Variants in CUX2 observed in about 807,000 individuals in gnomAD.
CUX2 encodes the protein cut like homeobox 2.
A neutral mutation model predicts 144.8 loss-of-function variants in CUX2; 40 were observed. The observed-to-expected ratio is 0.28, with a 90% CI of 0.21 to 0.36. CUX2 has a LOEUF of 0.36. Ranked by LOEUF, CUX2 falls within the 10% of genes least tolerant of loss-of-function variation. The probability of loss-of-function intolerance (pLI) is 1.00; values close to 1 mark genes in which losing one functional copy is unlikely to be tolerated. For synonymous variants in CUX2, 827 were observed against 875.6 expected (o/e 0.94, Z 0.98); for missense variants, 1,615 against 1,994.0 (o/e 0.81, Z 3.62).
At chr12:111,308,396 G>C (rs763967205) in intron 13 of CUX2, 31 bp from the exon 14 acceptor site, 2 of 1,613,864 alleles carry the variant, frequency 1.2e-6, no homozygotes, top group South Asian at 1.1e-5. Context: ...CGCCCACCAG[G>C]TGCCCTCTCA....
intron 1 of CUX2, chr12:111,100,203 A>ATGTG: frequency 6.9e-6 from 2 of 288,536 alleles, no homozygotes; most frequent in South Asian, 5.7e-5. Flanking sequence ...GTGTGTGTGT[A>ATGTG]TGTGTGTGTG....
At chr12:111,154,037 C>G (rs1877226709) in intron 1 of CUX2, among the ~76,000 whole-genome samples, 1 of 152,112 alleles carries the variant, frequency 6.6e-6, no homozygotes, top group East Asian at 1.9e-4. Context: ...CACTAATGAG[C>G]TCATCTTAGC....
At chr12:111,182,163 A>G (rs1157679294) in intron 1 of CUX2, among the ~76,000 whole-genome samples, 1 of 152,204 alleles carries the variant, frequency 6.6e-6, no homozygotes, top group African/African-American at 2.4e-5. Context: ...GATGGGTTTA[A>G]TCTGTGTTCC....
At chr12:111,076,699 G>A (rs952969513) in intron 1 of CUX2, among the ~76,000 whole-genome samples, 30 of 152,320 alleles carry the variant, frequency 2.0e-4, no homozygotes, top group African/African-American at 6.7e-4. Flanking sequence ...CCCTGCTCGA[G>A]AGTCTTATAT....
rs200561197 is a variant in CUX2, at chr12:111,320,047, G to T, written c.2038G>T (p.Ala680Ser). ...PKTSVAPLSI[A>S]NGTTPASTSE... is the part of the protein sequence containing the mutation. ...GACCTCGGTGGCCCCGCTGAGCATC[G>T]CCAACGGCACGACCCCCGCCAGCAC... Residue 680 changes from alanine (A) to serine (S), a missense_variant, in exon 17 of 22, where the codon GCC (alanine) becomes TCC (serine). By Grantham distance (99) the Ala-to-Ser change is moderately conservative. Coordinates refer to ENST00000261726, the MANE Select transcript of CUX2 (RefSeq NM_015267.4). The surrounding 1 kb of genome is among the most constrained non-coding windows in gnomAD (Gnocchi z 8.1). 6.5e-6 allele frequency: 10 copies of T among 1,541,288 alleles called. No individual in the cohort carries two copies. The highest frequency in any genetic ancestry group is 8.7e-6 in the Non-Finnish European group (10 of 1,148,430).
chr12:111,172,065 G>A (rs1241199212), intron 1 of CUX2, among the ~76,000 whole-genome samples: 2 of 151,906 alleles, frequency 1.3e-5, no homozygotes, highest in African/African-American at 2.4e-5. Context: ...ATGTGCACAC[G>A]TGTGTGCATG....
At chr12:111,122,175 T>A (rs1289893969) in intron 1 of CUX2, among the ~76,000 whole-genome samples, 1 of 152,146 alleles carries the variant, frequency 6.6e-6, no homozygotes, top group African/African-American at 2.4e-5. Flanking sequence ...TCAACTTTAA[T>A]TTAAAGAAAT....
intron 1 of CUX2, among the ~76,000 whole-genome samples, chr12:111,085,224 C>T (rs1157399960): frequency 1.3e-5 from 2 of 152,210 alleles, no homozygotes; most frequent in Non-Finnish European, 2.9e-5. Context: ...CTGTGTGTGT[C>T]TCTTCCCAGC....
rs1394836605 is a variant in CUX2, at chr12:111,293,211, C to G, written c.437-235C>G. ...ATTTTAAAAGTATAATAAAGCAGGCCGCGGAGGCATGAGCAGGCAAAAGAA... is the reference window on the plus strand; with the variant it reads ...ATTTTAAAAGTATAATAAAGCAGGCGGCGGAGGCATGAGCAGGCAAAAGAA... On this transcript the variant is annotated intron_variant, in intron 5 of 21. Coordinates refer to ENST00000261726, the MANE Select transcript of CUX2 (RefSeq NM_015267.4). This position sits in a 1 kb window ranked among gnomAD's most constrained non-coding sequence, Gnocchi z 4.5. 6.6e-6 allele frequency among the ~76,000 whole-genome samples: 1 copy of G among 152,132 alleles called. No homozygotes were observed.
At chr12:111,269,469 T>TC (rs1438024161) in intron 4 of CUX2, among the ~76,000 whole-genome samples, 1 of 152,190 alleles carries the variant, frequency 6.6e-6, no homozygotes. Context: ...GCTGTGACCC[T>TC]ACAAACACAG....
In CUX2 at chr12:111,178,327, G is replaced by C. The variant is rs1878974784; in HGVS notation, c.64-35873G>C. 6.6e-6 allele frequency among the ~76,000 whole-genome samples: 1 copy of C among 152,230 alleles called. No homozygotes were observed. Among genetic ancestry groups the C allele is most frequent in the African/African-American group, 2.4e-5 (1 of 41,462 alleles). On this transcript the variant is annotated intron_variant, in intron 1 of 21. Transcript: ENST00000261726. The surrounding 1 kb of genome is among the most constrained non-coding windows in gnomAD (Gnocchi z 5.7). ...AAATCTAATATACTGTGGCCTCTCT[G>C]TATGAGAGACCCTAGTACATATCTG...
intron 1 of CUX2, among the ~76,000 whole-genome samples, chr12:111,189,222 T>C (rs1879735088): frequency 6.6e-6 from 1 of 152,122 alleles, no homozygotes; most frequent in African/African-American, 2.4e-5. Flanking sequence ...CAGTGAGCCA[T>C]GATTGCACCT....
chr12:111,252,761 C>T (rs1238722266), intron 3 of CUX2, among the ~76,000 whole-genome samples: 2 of 150,332 alleles, frequency 1.3e-5, no homozygotes, highest in Non-Finnish European at 3.0e-5. Flanking sequence ...TAGCAGGAGC[C>T]ATTGAAGATC....
chr12:111,321,793 T>G (rs1014220471), intron 17 of CUX2, among the ~76,000 whole-genome samples: 1 of 152,184 alleles, frequency 6.6e-6, no homozygotes, highest in Non-Finnish European at 1.5e-5. Flanking sequence ...GTTTTAAGTG[T>G]CACCTCTACC....
intron 1 of CUX2, among the ~76,000 whole-genome samples, chr12:111,081,586 ACCTAT>A (rs1871890880): frequency 6.6e-6 from 1 of 152,106 alleles, no homozygotes; most frequent in Non-Finnish European, 1.5e-5. Flanking sequence ...GGGCTTCTCC[ACCTAT>A]AGGAAGGAGA....
chr12:111,147,345 G>A (rs963858827), intron 1 of CUX2, among the ~76,000 whole-genome samples: 1 of 152,144 alleles, frequency 6.6e-6, no homozygotes, highest in African/African-American at 2.4e-5. Context: ...TGCTCCCCCA[G>A]CCAGGTGGCC....
intron 1 of CUX2, among the ~76,000 whole-genome samples, chr12:111,157,591 G>A (rs2136146057): frequency 1.3e-5 from 2 of 152,328 alleles, no homozygotes; most frequent in East Asian, 3.9e-4. Context: ...TGATGGATAA[G>A]AATTTATTTG....
At chr12:111,305,525 T>C (rs1478526593) in intron 10 of CUX2, among the ~76,000 whole-genome samples, 1 of 152,102 alleles carries the variant, frequency 6.6e-6, no homozygotes, top group Non-Finnish European at 1.5e-5. Context: ...ATCTACTTTA[T>C]AGGGTTATTA....
intron 1 of CUX2, among the ~76,000 whole-genome samples, chr12:111,192,715 C>T (rs739484): frequency 0.15 from 23,549 of 152,144 alleles, 2,327 homozygotes; most frequent in East Asian, 0.51. Flanking sequence ...TCAGTGACCC[C>T]TGGATGTCCT....
Sources: gnomAD v4.1 joint callset for allele counts (sites outside exome capture counted in the v4.1 genomes callset) on GRCh38, gnomAD v4.1.1 for gene constraint, Gnocchi (gnomAD v3.1) non-coding constraint, MANE v1.5 for transcripts, NCBI Gene and HGNC (gene_info 2026-07-23, HGNC 2026-07-21) for gene names.